Variants in EML6 observed in about 807,000 individuals in gnomAD.
The protein encoded by EML6 is EMAP like 6, also known as echinoderm microtubule-associated protein-like 6.
Under a neutral mutation model 240.1 loss-of-function variants are expected in EML6, and 154 were observed. The observed-to-expected ratio is 0.64, with a 90% CI of 0.56 to 0.73. EML6 has a LOEUF of 0.73. Among genes scored for constraint, EML6 ranks in the 30% least tolerant of loss-of-function variants. EML6 has a pLI of 0.00. For synonymous variants in EML6, 1,148 were observed against 899.0 expected (o/e 1.28, Z -4.95); for missense variants, 2,964 against 2,474.6 (o/e 1.20, Z -4.20).
At chr2:54,826,430 C>A (rs188654759) in intron 5 of EML6, among the ~76,000 whole-genome samples, 99 of 152,280 alleles carry the variant, frequency 6.5e-4, no homozygotes, top group African/African-American at 2.3e-3. Flanking sequence ...GAAACCCCAT[C>A]TCTACTAAAA....
intron 12 of EML6, among the ~76,000 whole-genome samples, chr2:54,862,144 C>T (rs1031385903): frequency 4.0e-5 from 6 of 151,634 alleles, no homozygotes; most frequent in African/African-American, 1.2e-4. Context: ...GAACACCAGC[C>T]TGGCCAACAT....
chr2:54,836,261 A>T (rs1669136578), intron 7 of EML6, among the ~76,000 whole-genome samples: 1 of 152,146 alleles, frequency 6.6e-6, no homozygotes, highest in African/African-American at 2.4e-5. Flanking sequence ...AGCCAGCCTT[A>T]TGTAAAAGCT....
chr2:54,916,724 G>T, intron 25 of EML6, 35 bp from the exon 26 acceptor site: 1 of 1,456,310 alleles, frequency 6.9e-7, no homozygotes, highest in Non-Finnish European at 9.2e-7. Flanking sequence ...AAACTAGGTT[G>T]TGCAAAAATA....
intron 6 of EML6, 99 bp from the exon 7 acceptor site, chr2:54,829,237 ATTTTTG>A: frequency 9.1e-7 from 1 of 1,097,568 alleles, no homozygotes; most frequent in Non-Finnish European, 1.3e-6. Context: ...AAGGGGTTTT[ATTTTTG>A]TTTTTGACTT....
chr2:54,897,685 A>G (rs1333721518), intron 21 of EML6, among the ~76,000 whole-genome samples: 1 of 87,388 alleles, frequency 1.1e-5, no homozygotes, highest in Non-Finnish European at 2.2e-5. Flanking sequence ...CATGTGTACC[A>G]TTCTCTCCCT....
intron 2 of EML6, among the ~76,000 whole-genome samples, chr2:54,728,369 A>G (rs1296339126): frequency 1.3e-5 from 2 of 152,158 alleles, no homozygotes; most frequent in Non-Finnish European, 2.9e-5. Context: ...TGAGACATTT[A>G]TCTCCTCACT....
chr2:54,895,531 A>T (rs1672718236), intron 21 of EML6, 131 bp downstream of exon 21: 1 of 806,408 alleles, frequency 1.2e-6, no homozygotes, highest in African/African-American at 1.7e-5. Flanking sequence ...TGAACTAGTT[A>T]CCTATTGCTG....
chr2:54,955,896 C>T (rs573582663), intron 32 of EML6, among the ~76,000 whole-genome samples: 1 of 152,292 alleles, frequency 6.6e-6, no homozygotes, highest in East Asian at 1.9e-4. Flanking sequence ...TGTGGGTTTG[C>T]CTTCATTTCA....
In EML6 at chr2:54,829,368, T is replaced by C. The variant is rs539800499; in HGVS notation, c.738T>C (p.Cys246=). The change falls in exon 7 of 42, where the codon TGT becomes TGC. Residue 246 remains cysteine (C), a synonymous_variant. Coordinates refer to ENST00000356458, the MANE Select transcript of EML6 (RefSeq NM_001039753.4). ...HSAGIFSMYA[C]EEGFATGGRD... is the part of the protein sequence containing the mutation. ...CTGGAATCTTTAGCATGTATGCTTG[T>C]GAAGAAGGCTTTGCCACTGGTGGGC... The C allele has an allele frequency of 7.1e-6, 11 of 1,551,896 alleles. No homozygotes were observed. In the African/African-American group the frequency reaches 1.2e-4, roughly 17 times the overall value.
At position 54,928,321 on chromosome 2, in the gene EML6, C is replaced by T. The variant is rs573918439; in HGVS notation, c.3684C>T (p.His1228=). Residue 1228 remains histidine, a synonymous_variant, in exon 27 of 42, where the codon CAC becomes CAT. Transcript: ENST00000356458. ...AATTTCGGGCTTTACAGGGACAGCA[C>T]GCAAGATTCAAGAAGTATGTGGGGC... is the stretch of plus-strand genomic sequence containing the variant. ...KLFSYPVKGQ[H]ARFKKYVGHS... is the part of the protein sequence containing the mutation. The T allele has an allele frequency of 7.2e-5, 111 of 1,551,656 alleles. No individual in the cohort carries two copies. The East Asian group carries it at 7.8e-4, about 11-fold the overall frequency.
chr2:54,940,698 T>C (rs930946935), intron 28 of EML6, among the ~76,000 whole-genome samples: 5 of 152,238 alleles, frequency 3.3e-5, no homozygotes, highest in Admixed American at 3.3e-4. Flanking sequence ...TTACCTTCAC[T>C]TCATTAGCAA....
Position 54,883,110 on chromosome 2 carries a change from A to G in EML6, c.2438+3470A>G, listed in dbSNP as rs1025575010. ...TTCAAATAATATATGATCATTATAG[A>G]AAAATTAGCAGGGAAAAGCACTTAA... is the stretch of plus-strand genomic sequence containing the variant. On this transcript the variant is annotated intron_variant, in intron 17 of 41. Coordinates refer to ENST00000356458, the MANE Select transcript of EML6 (RefSeq NM_001039753.4). Among the ~76,000 whole-genome samples, 18 of 152,132 alleles carry G rather than the reference A, an allele frequency of 1.2e-4. 1 individual carries two copies. Among genetic ancestry groups the G allele is most frequent in the Admixed American group, 7.9e-4 (12 of 15,282 alleles).
intron 2 of EML6, among the ~76,000 whole-genome samples, chr2:54,726,879 C>A (rs62134744): frequency 3.5e-3 from 536 of 152,124 alleles, no homozygotes; most frequent in Middle Eastern, 0.01. Context: ...GAGAGAGTGG[C>A]AATTAAACAG....
intron 2 of EML6, among the ~76,000 whole-genome samples, chr2:54,762,514 C>T (rs1180776879): frequency 6.6e-6 from 1 of 152,152 alleles, no homozygotes; most frequent in Non-Finnish European, 1.5e-5. Flanking sequence ...CCCCAAGCGT[C>T]TCCCACCTCC....
chr2:54,847,998 T>G (rs191283334), intron 9 of EML6, among the ~76,000 whole-genome samples: 1 of 152,344 alleles, frequency 6.6e-6, no homozygotes, highest in East Asian at 1.9e-4. Flanking sequence ...TTCTAAAATC[T>G]AATGAATAAT....
intron 2 of EML6, among the ~76,000 whole-genome samples, chr2:54,768,520 G>A (rs1668282070): frequency 3.9e-5 from 6 of 152,072 alleles, no homozygotes; most frequent in Admixed American, 3.3e-4. Context: ...TACATTCAAT[G>A]GATTATATTT....
chr2:54,967,025 A>G lies in EML6; in HGVS notation c.5519A>G (p.Gln1840Arg). The part of the protein sequence containing the change: ...IQVSTGAYKR[Q>R]VHEVPLGKQV... ...GTGTCAACAGGTGCCTATAAGCGCC[A>G]GGTGCATGAGGTCCCCCTGGGGAAG... Residue 1840 changes from glutamine (Q) to arginine (R), a missense_variant, in exon 39 of 42, where the codon CAG becomes CGG. Coordinates refer to ENST00000356458, the MANE Select transcript of EML6 (RefSeq NM_001039753.4). 1 of 1,551,322 alleles carries G rather than the reference A, an allele frequency of 6.4e-7. No homozygotes were observed. The highest frequency in any genetic ancestry group is 1.2e-5 in the South Asian group (1 of 84,054).
chr2:54,893,636 T>C (rs770027251), intron 19 of EML6, among the ~76,000 whole-genome samples: 13 of 152,216 alleles, frequency 8.5e-5, no homozygotes, highest in African/African-American at 1.4e-4. Context: ...CCAGCAAATA[T>C]CAACTTCTTT....
At chr2:54,961,628 T>C (rs1676520336) in intron 35 of EML6, among the ~76,000 whole-genome samples, 1 of 152,072 alleles carries the variant, frequency 6.6e-6, no homozygotes, top group Non-Finnish European at 1.5e-5. Context: ...GTGCTGAAGC[T>C]CTCACCTGAG....
Sources: gnomAD v4.1 joint callset for allele counts (sites outside exome capture counted in the v4.1 genomes callset) on GRCh38, gnomAD v4.1.1 for gene constraint, MANE v1.5 for transcripts, NCBI Gene and HGNC (gene_info 2026-07-23, HGNC 2026-07-21) for gene names.